The following DMD variants were observed in gnomAD, a reference collection of about 807,000 sequenced individuals.
The protein encoded by DMD is mutant dystrophin.
DMD carries 63 observed loss-of-function variants against 330.1 expected under a neutral mutation model. The ratio of observed to expected loss-of-function variants is 0.19; its 90% CI spans 0.16 to 0.24. DMD has a LOEUF of 0.24. DMD is among the 10% of genes least tolerant of loss of function. DMD has a pLI of 1.00. For synonymous variants in DMD, 1,223 were observed against 959.8 expected (o/e 1.27, Z -5.07); for missense variants, 3,344 against 2,684.1 (o/e 1.25, Z -5.43).
chrX:32,241,457 T>C (rs1384288405), intron 43 of DMD, among the ~76,000 whole-genome samples: 1 of 112,545 alleles, frequency 8.9e-6, no homozygotes, highest in East Asian at 2.8e-4. Context: ...AGAAGCACTT[T>C]TTCCCCAGGT....
chrX:32,993,822 G>A (rs936828992), intron 2 of DMD, among the ~76,000 whole-genome samples: 1 of 110,288 alleles, frequency 9.1e-6, no homozygotes, highest in Admixed American at 9.7e-5. Context: ...CTATCACAAG[G>A]TTCATAGCTG....
chrX:32,740,972 A>G (rs1395302619), intron 7 of DMD, among the ~76,000 whole-genome samples: 1 of 111,526 alleles, frequency 9.0e-6, no homozygotes, highest in Non-Finnish European at 1.9e-5. Flanking sequence ...CTGTTGTATG[A>G]AGATTTATCT....
At chrX:31,331,938 A>G (rs1020724187) in intron 61 of DMD, among the ~76,000 whole-genome samples, 3 of 112,192 alleles carry the variant, frequency 2.7e-5, no homozygotes, top group African/African-American at 9.7e-5. Flanking sequence ...AGAAAGCGAG[A>G]AGAGTGAGAA....
intron 1 of DMD, among the ~76,000 whole-genome samples, chrX:33,182,999 A>G (rs1373201490): frequency 8.9e-6 from 1 of 112,243 alleles, no homozygotes; most frequent in Non-Finnish European, 1.9e-5. Flanking sequence ...TTTAAAGCGG[A>G]ATATCCTGTA....
chrX:32,550,402 A>C (rs777988338), intron 16 of DMD, among the ~76,000 whole-genome samples: 1 of 111,803 alleles, frequency 8.9e-6, no homozygotes, highest in East Asian at 2.8e-4. Context: ...GGTAAACAAT[A>C]AAATTAAGGC....
intron 2 of DMD, among the ~76,000 whole-genome samples, chrX:32,874,154 CAG>C (rs1237299968): frequency 8.9e-6 from 1 of 112,298 alleles, no homozygotes; most frequent in African/African-American, 3.2e-5. Flanking sequence ...AAAACCTTAA[CAG>C]AAAGTGTTTG....
chrX:31,721,154 T>C (rs1452170544), intron 52 of DMD, among the ~76,000 whole-genome samples: 1 of 111,484 alleles, frequency 9.0e-6, no homozygotes, highest in Non-Finnish European at 1.9e-5. Flanking sequence ...TAGGTACTAC[T>C]AAAAAAATAA....
intron 18 of DMD, 103 bp downstream of exon 18, chrX:32,517,905 A>G (rs1210493048): frequency 1.1e-6 from 1 of 893,489 alleles, no homozygotes; most frequent in Non-Finnish European, 1.6e-6. Flanking sequence ...GCATTTTATC[A>G]TATCGCATTA....
At chrX:31,334,213 C>T (rs981871877) in intron 61 of DMD, among the ~76,000 whole-genome samples, 6 of 112,311 alleles carry the variant, frequency 5.3e-5, no homozygotes, top group South Asian at 3.7e-4. Flanking sequence ...GGATCACAGG[C>T]GTGAGCCACC....
chrX:32,524,446 G>A (rs2148842886), intron 17 of DMD, among the ~76,000 whole-genome samples: 1 of 112,319 alleles, frequency 8.9e-6, no homozygotes, highest in East Asian at 2.8e-4. Flanking sequence ...GTTTAGTGAA[G>A]CATTTGTTTG....
rs1569563117 is a variant in DMD at position 32,452,375 on chromosome X, GGGAAAGGGAAAGGGAAAGGGAAGGGAAA to G, written c.3603+2259_3603+2286del. 4.2e-3 allele frequency among the ~76,000 whole-genome samples: 74 copies of G among 17,482 alleles called. 13 individuals are homozygous for G. Among genetic ancestry groups the G allele is most frequent in the African/African-American group, 7.9e-3 (43 of 5,420 alleles). The allele number at this position is 17,482 out of a possible 115,157, so 15.2% of individuals were successfully genotyped here. ...AGGGAAAGGGAAAGGGAAAGGGAAA[GGGAAAGGGAAAGGGAAAGGGAAGGGAAA>G]GGAAAGGGAAAGGGAAAGGGAAAGG... is the stretch of plus-strand genomic sequence containing the variant. On this transcript the variant is annotated intron_variant, in intron 26 of 78. Coordinates refer to ENST00000357033, the MANE Select transcript of DMD (RefSeq NM_004006.3).
intron 44 of DMD, among the ~76,000 whole-genome samples, chrX:32,156,631 TACAC>T (rs747490085): frequency 0.13 from 11,980 of 93,842 alleles, 690 homozygotes; most frequent in Non-Finnish European, 0.17. Flanking sequence ...GACAAAAGGA[TACAC>T]ACACACACAC....
At chrX:32,377,023 C>T (rs1202931427) in intron 34 of DMD, among the ~76,000 whole-genome samples, 1 of 111,502 alleles carries the variant, frequency 9.0e-6, no homozygotes, top group Non-Finnish European at 1.9e-5. Context: ...ATATATATTA[C>T]TATAGATTAG....
At chrX:32,550,065 T>G (rs2049375947) in intron 16 of DMD, among the ~76,000 whole-genome samples, 1 of 111,856 alleles carries the variant, frequency 8.9e-6, no homozygotes, top group Admixed American at 9.5e-5. Flanking sequence ...TACACAAACC[T>G]AGATGGTACA....
chrX:32,334,022 C>A (rs755856700), intron 41 of DMD, among the ~76,000 whole-genome samples: 4 of 111,208 alleles, frequency 3.6e-5, no homozygotes, highest in Non-Finnish European at 7.5e-5. Flanking sequence ...GTCAGTCTGT[C>A]ATCTTTCTGG....
At chrX:32,374,596 C>CA (rs1179799620) in intron 34 of DMD, among the ~76,000 whole-genome samples, 1 of 111,655 alleles carries the variant, frequency 9.0e-6, no homozygotes, top group Non-Finnish European at 1.9e-5. Context: ...CCAACTTTGT[C>CA]AAAAATCAGT....
At position 31,565,204 on chromosome X, in the gene DMD, A is replaced by G. The variant is rs192331177; in HGVS notation, c.8218-57751T>C. 4.2e-3 allele frequency among the ~76,000 whole-genome samples: 473 copies of G among 111,652 alleles called. 2 individuals are homozygous for G. The highest frequency in any genetic ancestry group is 5.7e-3 in the Non-Finnish European group (304 of 53,075). On this transcript the variant is annotated intron_variant, in intron 55 of 78. Transcript: ENST00000357033. ...ACAATATCATAACCAGGATATTGAC[A>G]TTGACACAATCAAGGTAAAGAACAG...
intron 27 of DMD, among the ~76,000 whole-genome samples, chrX:32,444,240 T>G (rs1010489788): frequency 9.1e-6 from 1 of 110,254 alleles, no homozygotes; most frequent in African/African-American, 3.3e-5. Flanking sequence ...TGGGGGATTT[T>G]GGGCTGAAAA....
intron 44 of DMD, among the ~76,000 whole-genome samples, chrX:32,176,666 C>A (rs776731336): frequency 9.0e-6 from 1 of 111,061 alleles, no homozygotes; most frequent in Non-Finnish European, 1.9e-5. Flanking sequence ...AAGCACCAGG[C>A]AAATGCTTGT....
Sources: gnomAD v4.1 joint callset for allele counts (sites outside exome capture counted in the v4.1 genomes callset) on GRCh38, gnomAD v4.1.1 for gene constraint, MANE v1.5 for transcripts, NCBI Gene and HGNC (gene_info 2026-07-23, HGNC 2026-07-21) for gene names.